Variants in DPP10 observed in about 807,000 individuals in gnomAD.
The protein encoded by DPP10 is dipeptidyl peptidase like 10.
In DPP10, 33 loss-of-function variants were observed where a neutral mutation model predicts 120.9. The ratio of observed to expected loss-of-function variants is 0.27; its 90% confidence interval spans 0.21 to 0.37. The LOEUF is 0.37. Ranked by LOEUF, DPP10 falls within the 10% of genes least tolerant of loss-of-function variation. The pLI, the probability that DPP10 is intolerant of heterozygous loss-of-function variation, is 1.00. For missense variants in DPP10, 816 were observed against 942.8 expected (o/e 0.87, Z 1.76); for synonymous variants, 337 against 326.1 (o/e 1.03, Z -0.36).
chr2:114,783,612 A>G (rs1682517029), intron 1 of DPP10, among the ~76,000 whole-genome samples: 1 of 152,064 alleles, frequency 6.6e-6, no homozygotes, highest in South Asian at 2.1e-4. Context: ...CAAGAAGGGC[A>G]GATCATTTGA....
At chr2:115,104,163 CAT>C (rs1482919376) in intron 1 of DPP10, among the ~76,000 whole-genome samples, 1 of 135,612 alleles carries the variant, frequency 7.4e-6, no homozygotes, top group African/African-American at 2.7e-5. Flanking sequence ...ATGTCAAATA[CAT>C]ATGTCTTTTT....
At chr2:115,197,992 T>G (rs1465503585) in intron 1 of DPP10, among the ~76,000 whole-genome samples, 1 of 152,180 alleles carries the variant, frequency 6.6e-6, no homozygotes, top group Non-Finnish European at 1.5e-5. Context: ...ATAGCAGTGC[T>G]TTTCACTGTG....
At chr2:115,083,404 G>A (rs566060687) in intron 1 of DPP10, among the ~76,000 whole-genome samples, 2 of 152,072 alleles carry the variant, frequency 1.3e-5, no homozygotes, top group East Asian at 1.9e-4. Context: ...ATGTAACTGC[G>A]TTCTTCTCTG....
At chr2:115,756,981 A>G (rs1450215075) in intron 11 of DPP10, among the ~76,000 whole-genome samples, 1 of 152,140 alleles carries the variant, frequency 6.6e-6, no homozygotes, top group Non-Finnish European at 1.5e-5. Context: ...TAATCCATTA[A>G]TGATGGCAGA....
At chr2:115,428,362 A>G (rs942630446) in intron 3 of DPP10, among the ~76,000 whole-genome samples, 5 of 152,044 alleles carry the variant, frequency 3.3e-5, no homozygotes, top group Non-Finnish European at 7.3e-5. Flanking sequence ...TTGCTTTGCT[A>G]TTAGAAATAC....
chr2:115,364,277 C>T (rs2064956054), intron 3 of DPP10, among the ~76,000 whole-genome samples: 1 of 151,858 alleles, frequency 6.6e-6, no homozygotes, highest in Admixed American at 6.6e-5. Context: ...TTAGAGTTGC[C>T]TTCCCTACTG....
chr2:115,815,830 C>G (rs1281193909), intron 21 of DPP10, 101 bp downstream of exon 21: 5 of 1,187,900 alleles, frequency 4.2e-6, no homozygotes, highest in Non-Finnish European at 6.1e-6. Context: ...AGATAAGTTC[C>G]ATATTGACTG....
intron 1 of DPP10, among the ~76,000 whole-genome samples, chr2:114,651,174 G>T: frequency 6.6e-6 from 1 of 152,118 alleles, no homozygotes; most frequent in East Asian, 1.9e-4. Flanking sequence ...GGAGTAATAG[G>T]TTTTATTCCT....
At chr2:115,178,421 A>C (rs538452884) in intron 1 of DPP10, among the ~76,000 whole-genome samples, 1 of 152,324 alleles carries the variant, frequency 6.6e-6, no homozygotes, top group South Asian at 2.1e-4. Flanking sequence ...AAATGAGAAC[A>C]ACAAACTAAC....
At chr2:114,953,030 G>A (rs535440605) in intron 1 of DPP10, among the ~76,000 whole-genome samples, 13 of 150,400 alleles carry the variant, frequency 8.6e-5, no homozygotes, top group East Asian at 2.0e-4. Context: ...TTTGTCCTAT[G>A]TGTCTGTAAA....
chr2:114,942,400 CACATAT>C (rs1387370662), intron 1 of DPP10, among the ~76,000 whole-genome samples: 8 of 99,376 alleles, frequency 8.1e-5, no homozygotes, highest in African/African-American at 2.9e-4. Flanking sequence ...TACACACACA[CACATAT>C]ATATATATAT....
At chr2:115,385,533 T>G (rs781235181) in intron 3 of DPP10, among the ~76,000 whole-genome samples, 29 of 152,052 alleles carry the variant, frequency 1.9e-4, no homozygotes, top group Non-Finnish European at 3.7e-4. Flanking sequence ...TTTTTTGTGT[T>G]TTTAGTAGAG....
At chr2:115,744,676 T>G (rs1360183823) in intron 9 of DPP10, among the ~76,000 whole-genome samples, 1 of 150,380 alleles carries the variant, frequency 6.6e-6, no homozygotes, top group East Asian at 1.9e-4. Context: ...GCTAGTCTCT[T>G]TTGATATCCA....
intron 8 of DPP10, among the ~76,000 whole-genome samples, chr2:115,734,454 G>A (rs904136053): frequency 2.0e-5 from 3 of 151,856 alleles, no homozygotes; most frequent in South Asian, 4.2e-4. Flanking sequence ...TCTGGAGTTC[G>A]AGACCAGCCT....
At chr2:114,462,597 A>G (rs181917491) in intron 1 of DPP10, among the ~76,000 whole-genome samples, 2 of 152,284 alleles carry the variant, frequency 1.3e-5, no homozygotes, top group East Asian at 3.9e-4. Context: ...TTCAATTCAT[A>G]TCCTAACAAG....
chr2:115,348,388 G>A (rs2063816151), intron 3 of DPP10, among the ~76,000 whole-genome samples: 1 of 152,066 alleles, frequency 6.6e-6, no homozygotes, highest in South Asian at 2.1e-4. Context: ...ATATCACATT[G>A]TCTATTGTGT....
chr2:114,730,727 G>A (rs182806357), intron 1 of DPP10, among the ~76,000 whole-genome samples: 46 of 152,116 alleles, frequency 3.0e-4, no homozygotes, highest in African/African-American at 1.1e-3. Flanking sequence ...CCGAGTAGCT[G>A]GGACTACCGA....
intron 1 of DPP10, among the ~76,000 whole-genome samples, chr2:114,933,201 G>A (rs1420924545): frequency 6.6e-6 from 1 of 152,166 alleles, no homozygotes; most frequent in Non-Finnish European, 1.5e-5. Context: ...GACATTAAAA[G>A]AGATTACATA....
chr2:115,583,288 A>T (rs529487743), intron 5 of DPP10, among the ~76,000 whole-genome samples: 2 of 152,224 alleles, frequency 1.3e-5, no homozygotes, highest in Non-Finnish European at 2.9e-5. Flanking sequence ...GTCTAAGGTT[A>T]GTAGCATAAA....
Sources: allele counts gnomAD v4.1 joint callset (sites outside exome capture counted in the v4.1 genomes callset), GRCh38; gene constraint gnomAD v4.1.1; transcripts MANE v1.5; gene names NCBI Gene and HGNC (gene_info 2026-07-23, HGNC 2026-07-21).